Variants in PCSK5 observed in about 807,000 individuals in gnomAD.
PCSK5 encodes the protein prohormone convertase 5.
PCSK5 carries 129 observed loss-of-function variants against 233.2 expected under a neutral mutation model. That is an observed-to-expected ratio of 0.55 (90% CI 0.48 to 0.64). PCSK5 has a LOEUF of 0.64. Among genes scored for constraint, PCSK5 ranks in the 30% least tolerant of loss-of-function variants. The pLI, the probability that PCSK5 is intolerant of heterozygous loss-of-function variation, is 0.00. For missense variants in PCSK5, 2,076 were observed against 2,430.1 expected (o/e 0.85, Z 3.06); for synonymous variants, 825 against 879.2 (o/e 0.94, Z 1.09).
At chr9:76,239,866 A>G (rs1477431154) in intron 23 of PCSK5, among the ~76,000 whole-genome samples, 1 of 152,082 alleles carries the variant, frequency 6.6e-6, no homozygotes, top group Non-Finnish European at 1.5e-5. Context: ...CCTAGGCAAA[A>G]CTCATCTAAT....
chr9:76,313,228 C>T (rs1828916480), intron 30 of PCSK5, among the ~76,000 whole-genome samples: 1 of 152,202 alleles, frequency 6.6e-6, no homozygotes, highest in East Asian at 1.9e-4. Context: ...AACTATCACT[C>T]AGTGCTGCCT....
At chr9:76,014,012 A>G (rs1264330380) in intron 3 of PCSK5, among the ~76,000 whole-genome samples, 1 of 151,870 alleles carries the variant, frequency 6.6e-6, no homozygotes, top group Non-Finnish European at 1.5e-5. Context: ...GTGCTTATCC[A>G]AGCCACACCA....
At position 76,095,919 on chromosome 9, in the gene PCSK5, T is replaced by C. The variant is rs1831490508; in HGVS notation, c.924T>C (p.Val308=). 1.9e-6 allele frequency: 3 copies of C among 1,614,144 alleles called. No individual in the cohort carries two copies. Among genetic ancestry groups the C allele is most frequent in the East Asian group, 4.5e-5 (2 of 44,882 alleles). The stretch of plus-strand genomic sequence containing the variant: ...GGAGAGGCCTCGGCTCTGTGTTTGT[T>C]TGGGCATCTGGAAATGGTGGAAGGA... The part of the protein sequence containing the change: ...MGRRGLGSVF[V]WASGNGGRSK... Residue 308 remains valine, a synonymous_variant, in exon 8 of 38, where the codon GTT becomes GTC. Coordinates refer to ENST00000674117, the MANE Select transcript of PCSK5 (RefSeq NM_001372043.1).
intron 20 of PCSK5, among the ~76,000 whole-genome samples, chr9:76,220,978 G>T (rs1825712451): frequency 6.6e-6 from 1 of 152,064 alleles, no homozygotes; most frequent in African/African-American, 2.4e-5. Context: ...TGAGGAGCCA[G>T]TTTATTTGTT....
chr9:76,025,894 TAGCTC>T (rs1828402579), intron 4 of PCSK5, among the ~76,000 whole-genome samples: 1 of 151,934 alleles, frequency 6.6e-6, no homozygotes, highest in Non-Finnish European at 1.5e-5. Context: ...TTATGAAAAA[TAGCTC>T]TAACTGAATT....
intron 30 of PCSK5, among the ~76,000 whole-genome samples, chr9:76,315,880 T>A (rs1829010860): frequency 6.7e-6 from 1 of 150,096 alleles, no homozygotes. Context: ...GATCCACCCA[T>A]CTGGGCCTCC....
At chr9:75,900,845 A>G (rs1825999714) in intron 1 of PCSK5, among the ~76,000 whole-genome samples, 1 of 151,866 alleles carries the variant, frequency 6.6e-6, no homozygotes, top group Non-Finnish European at 1.5e-5. Flanking sequence ...TGTGTGTCTA[A>G]TTACACACCT....
At chr9:76,142,554 T>C (rs1823269890) in intron 10 of PCSK5, among the ~76,000 whole-genome samples, 1 of 152,114 alleles carries the variant, frequency 6.6e-6, no homozygotes, top group South Asian at 2.1e-4. Context: ...TATAAAGAAT[T>C]TAATGCCCCT....
intron 7 of PCSK5, among the ~76,000 whole-genome samples, chr9:76,092,199 C>G (rs1039644260): frequency 1.3e-5 from 2 of 152,160 alleles, no homozygotes; most frequent in African/African-American, 4.8e-5. Context: ...ATTCTACTGC[C>G]AAGTCTGGAA....
chr9:76,144,568 A>G (rs190206669), intron 10 of PCSK5, among the ~76,000 whole-genome samples: 163 of 152,284 alleles, frequency 1.1e-3, no homozygotes, highest in East Asian at 2.9e-3. Flanking sequence ...TCACCAAGGA[A>G]TGTGCCCTGC....
intron 1 of PCSK5, among the ~76,000 whole-genome samples, chr9:75,906,170 G>A (rs1826255766): frequency 6.6e-6 from 1 of 152,186 alleles, no homozygotes; most frequent in Admixed American, 6.5e-5. Flanking sequence ...GTGACCAAGG[G>A]TGAGAGAACT....
intron 10 of PCSK5, among the ~76,000 whole-genome samples, chr9:76,141,052 C>T (rs1321524484): frequency 1.3e-5 from 2 of 152,080 alleles, no homozygotes; most frequent in African/African-American, 4.8e-5. Flanking sequence ...AACAACAACT[C>T]TTAATATTTT....
At chr9:76,182,633 G>A (rs939867220) in intron 16 of PCSK5, among the ~76,000 whole-genome samples, 2 of 151,872 alleles carry the variant, frequency 1.3e-5, no homozygotes, top group South Asian at 2.1e-4. Context: ...GCAAACAGAC[G>A]AAGGTATATT....
intron 1 of PCSK5, among the ~76,000 whole-genome samples, chr9:75,912,686 T>C (rs1440895164): frequency 6.6e-6 from 1 of 152,194 alleles, no homozygotes; most frequent in African/African-American, 2.4e-5. Context: ...ACCCATTCTC[T>C]ACTACATGAT....
intron 10 of PCSK5, among the ~76,000 whole-genome samples, chr9:76,151,598 C>G (rs1016103290): frequency 2.6e-5 from 4 of 152,196 alleles, no homozygotes; most frequent in Non-Finnish European, 5.9e-5. Context: ...GATGTGCTAC[C>G]TTCGTCCTCC....
chr9:76,005,024 A>G (rs929236357), intron 3 of PCSK5, among the ~76,000 whole-genome samples: 2 of 152,218 alleles, frequency 1.3e-5, no homozygotes, highest in Admixed American at 6.5e-5. Context: ...ATGCAATTCC[A>G]TACCACAGGT....
chr9:76,105,108 C>T (rs1831923730), intron 8 of PCSK5, among the ~76,000 whole-genome samples: 1 of 152,174 alleles, frequency 6.6e-6, no homozygotes, highest in South Asian at 2.1e-4. Flanking sequence ...GTTCAGCCTT[C>T]TTCACAATAG....
intron 7 of PCSK5, among the ~76,000 whole-genome samples, chr9:76,089,659 C>T (rs1377656547): frequency 2.0e-5 from 3 of 152,122 alleles, no homozygotes; most frequent in African/African-American, 7.2e-5. Flanking sequence ...TACTCATGGC[C>T]TTTTAAAAAT....
chr9:76,050,948 G>A (rs1015649188), intron 5 of PCSK5, among the ~76,000 whole-genome samples: 2 of 152,166 alleles, frequency 1.3e-5, no homozygotes, highest in Non-Finnish European at 2.9e-5. Context: ...GCCATATGGT[G>A]GAGGGGGATA....
Sources: allele counts gnomAD v4.1 joint callset (sites outside exome capture counted in the v4.1 genomes callset), GRCh38; gene constraint gnomAD v4.1.1; transcripts MANE v1.5; gene names NCBI Gene and HGNC (gene_info 2026-07-23, HGNC 2026-07-21).